Variants in GABRG2 observed in about 807,000 individuals in gnomAD.
The protein encoded by GABRG2 is gamma-aminobutyric acid type A receptor subunit gamma2, also known as gamma-aminobutyric acid receptor subunit gamma-2.
In GABRG2, 16 loss-of-function variants were observed where a neutral mutation model predicts 56.4. That is an observed-to-expected ratio of 0.28 (90% CI 0.19 to 0.43). The LOEUF (loss-of-function observed/expected upper bound fraction) is 0.43. Ranked by LOEUF, GABRG2 falls within the 20% of genes least tolerant of loss-of-function variation. GABRG2 has a pLI of 1.00. For missense variants in GABRG2, 327 were observed against 582.7 expected (o/e 0.56, Z 4.52); for synonymous variants, 208 against 205.5 (o/e 1.01, Z -0.10).
Position 162,114,956 on chromosome 5 carries a change from G to T in GABRG2, c.769+10930G>T, listed in dbSNP as rs535471823. Among the ~76,000 whole-genome samples the T allele has an allele frequency of 1.2e-4, 19 of 152,136 alleles. No individual in the cohort carries two copies. The East Asian group carries it at 3.5e-3, about 28-fold the overall frequency. ...TGGTTTGTTGCCGTTTTGCTTTGTT[G>T]TCGTTTTGCTTTGTTGCCATTGTCT... On this transcript the variant is annotated intron_variant, in intron 6 of 9. Coordinates refer to ENST00000639213, the MANE Select transcript of GABRG2 (RefSeq NM_198904.4).
intron 6 of GABRG2, among the ~76,000 whole-genome samples, chr5:162,138,956 G>A (rs913256187): frequency 1.5e-4 from 22 of 151,424 alleles, no homozygotes; most frequent in South Asian, 1.2e-3. Context: ...GAACCTAAAC[G>A]CTCCACTAAA....
At chr5:162,149,888 A>AGAT in intron 8 of GABRG2, 1 of 282,510 alleles carries the variant, frequency 3.5e-6, no homozygotes, top group South Asian at 3.6e-5. Flanking sequence ...TGCTGGGATT[A>AGAT]GATGCGTGAG....
chr5:162,151,441 C>G (rs1248967002), intron 8 of GABRG2: 1 of 322,868 alleles, frequency 3.1e-6, no homozygotes, highest in East Asian at 5.9e-5. Flanking sequence ...GGGAACCAGG[C>G]AATAGAAAAC....
At chr5:162,140,403 C>T (rs145924614) in intron 6 of GABRG2, among the ~76,000 whole-genome samples, 9 of 152,262 alleles carry the variant, frequency 5.9e-5, no homozygotes, top group African/African-American at 1.4e-4. Context: ...CAAAGAGCAG[C>T]CAATAAAGGC....
chr5:162,081,037 G>C (rs1305609929), intron 1 of GABRG2, among the ~76,000 whole-genome samples: 1 of 151,732 alleles, frequency 6.6e-6, no homozygotes, highest in Non-Finnish European at 1.5e-5. Context: ...AAATTTTAAG[G>C]GATTCTCATA....
chr5:162,124,345 T>C (rs1763173428), intron 6 of GABRG2, among the ~76,000 whole-genome samples: 1 of 151,922 alleles, frequency 6.6e-6, no homozygotes, highest in Non-Finnish European at 1.5e-5. Flanking sequence ...CTGATATTCC[T>C]GATATTGAAA....
chr5:162,123,787 A>G (rs1344624173), intron 6 of GABRG2, among the ~76,000 whole-genome samples: 1 of 151,918 alleles, frequency 6.6e-6, no homozygotes, highest in Non-Finnish European at 1.5e-5. Flanking sequence ...AGTGGGTCAC[A>G]TAGTGTGTAG....
intron 1 of GABRG2, among the ~76,000 whole-genome samples, chr5:162,084,703 C>A (rs577689824): frequency 6.6e-6 from 1 of 151,980 alleles, no homozygotes; most frequent in East Asian, 1.9e-4. Context: ...TGTTAGTCAT[C>A]ATATAAATGA....
intron 6 of GABRG2, among the ~76,000 whole-genome samples, chr5:162,135,076 G>T (rs1201370668): frequency 2.0e-5 from 3 of 152,092 alleles, no homozygotes; most frequent in African/African-American, 7.2e-5. Flanking sequence ...AGTAGACTTG[G>T]CACACTGTGG....
chr5:162,125,325 C>A (rs900681323), intron 6 of GABRG2, among the ~76,000 whole-genome samples: 5 of 151,524 alleles, frequency 3.3e-5, no homozygotes, highest in Non-Finnish European at 5.9e-5. Flanking sequence ...CTGTTGCTTG[C>A]TCATCTATCC....
chr5:162,132,889 T>C (rs1346777820), intron 6 of GABRG2, among the ~76,000 whole-genome samples: 1 of 152,038 alleles, frequency 6.6e-6, no homozygotes, highest in Non-Finnish European at 1.5e-5. Flanking sequence ...ATTAAGTACA[T>C]ATAAAAGAAT....
intron 6 of GABRG2, among the ~76,000 whole-genome samples, chr5:162,118,454 C>A (rs1311983967): frequency 6.6e-6 from 1 of 151,960 alleles, no homozygotes; most frequent in Non-Finnish European, 1.5e-5. Flanking sequence ...CATAACTGGA[C>A]ATATTATCTC....
chr5:162,089,705 A>G lies in GABRG2; in HGVS notation c.108-4123A>G, dbSNP rs907602973. On this transcript the variant is annotated intron_variant, in intron 1 of 9. Transcript: ENST00000639213. The stretch of plus-strand genomic sequence containing the variant: ...ACTTACCTGTGTTAGAGAAGGATAA[A>G]TATATATTCAGTCTTTATTATGTCA... Among the ~76,000 whole-genome samples the G allele has an allele frequency of 1.2e-4, 18 of 152,122 alleles. 1 individual carries two copies. Among genetic ancestry groups the G allele is most frequent in the Non-Finnish European group, 5.9e-5 (4 of 68,018 alleles).
At chr5:162,103,665 T>C in intron 5 of GABRG2, 1 of 571,316 alleles carries the variant, frequency 1.8e-6, no homozygotes, top group Admixed American at 3.0e-5. Context: ...TTAAATTATT[T>C]TCAAGAGTAA....
intron 1 of GABRG2, among the ~76,000 whole-genome samples, chr5:162,071,493 AT>A (rs2113112185): frequency 6.6e-6 from 1 of 152,080 alleles, no homozygotes; most frequent in South Asian, 2.1e-4. Flanking sequence ...CTCATTCTGA[AT>A]TTTTAAAAAG....
intron 1 of GABRG2, among the ~76,000 whole-genome samples, chr5:162,090,498 T>C (rs1002525446): frequency 1.3e-5 from 2 of 152,082 alleles, no homozygotes; most frequent in Non-Finnish European, 1.5e-5. Context: ...GAGCTCTGCA[T>C]TTCTGGCAAG....
chr5:162,109,843 G>A (rs953048048), intron 6 of GABRG2, among the ~76,000 whole-genome samples: 1 of 151,856 alleles, frequency 6.6e-6, no homozygotes, highest in Non-Finnish European at 1.5e-5. Flanking sequence ...CCTGAGATGT[G>A]GGCTAGAAAA....
intron 7 of GABRG2, among the ~76,000 whole-genome samples, chr5:162,147,326 C>T (rs543958136): frequency 1.4e-5 from 2 of 146,458 alleles, no homozygotes; most frequent in African/African-American, 2.5e-5. Context: ...TCCTTCCTTC[C>T]TTTCCTTCCC....
At chr5:162,083,316 A>G (rs752239908) in intron 1 of GABRG2, among the ~76,000 whole-genome samples, 5 of 151,758 alleles carry the variant, frequency 3.3e-5, no homozygotes, top group Non-Finnish European at 7.4e-5. Flanking sequence ...CCTTTAAATG[A>G]TTCTAAATCT....
Sources: allele counts gnomAD v4.1 joint callset (sites outside exome capture counted in the v4.1 genomes callset), GRCh38; gene constraint gnomAD v4.1.1; transcripts MANE v1.5; gene names NCBI Gene and HGNC (gene_info 2026-07-23, HGNC 2026-07-21).